The following DIAPH3 variants were observed in gnomAD, a reference collection of about 807,000 sequenced individuals.
DIAPH3 encodes the protein diaphanous related formin 3.
DIAPH3 carries 117 observed loss-of-function variants against 144.3 expected under a neutral mutation model. That is an observed-to-expected ratio of 0.81 (90% confidence interval 0.70 to 0.95). The LOEUF is 0.95. Among genes scored for constraint, DIAPH3 ranks in the 40% least tolerant of loss-of-function variants. DIAPH3 has a pLI of 0.00. For missense variants in DIAPH3, 1,421 were observed against 1,412.7 expected (o/e 1.01, Z -0.09); for synonymous variants, 519 against 488.9 (o/e 1.06, Z -0.81).
chr13:60,070,490 T>C (rs1381174410), intron 4 of DIAPH3, among the ~76,000 whole-genome samples: 1 of 152,134 alleles, frequency 6.6e-6, no homozygotes, highest in Non-Finnish European at 1.5e-5. Context: ...AGTTTCAAGT[T>C]TTCAGTTTTT....
At chr13:59,796,394 T>A (rs1342661583) in intron 25 of DIAPH3, among the ~76,000 whole-genome samples, 1 of 152,252 alleles carries the variant, frequency 6.6e-6, no homozygotes, top group Admixed American at 6.5e-5. Flanking sequence ...GTTAATGAGC[T>A]CTGTTCTTAA....
intron 27 of DIAPH3, among the ~76,000 whole-genome samples, chr13:59,738,613 T>C (rs956707807): frequency 1.4e-4 from 22 of 152,084 alleles, no homozygotes; most frequent in Non-Finnish European, 1.3e-4. Context: ...AAAGAGGATA[T>C]GCACAAGGGA....
chr13:59,675,251 C>T (rs934304815), intron 27 of DIAPH3, among the ~76,000 whole-genome samples: 1 of 151,962 alleles, frequency 6.6e-6, no homozygotes, highest in South Asian at 2.1e-4. Flanking sequence ...TTTTAAAAAT[C>T]GAGACGGGGT....
chr13:59,900,970 T>C (rs941806043), intron 20 of DIAPH3, among the ~76,000 whole-genome samples: 3 of 152,220 alleles, frequency 2.0e-5, no homozygotes, highest in Non-Finnish European at 4.4e-5. Context: ...TCAGAAACTC[T>C]AATTCACTAT....
chr13:60,162,773 C>G (rs1952352330), intron 1 of DIAPH3, among the ~76,000 whole-genome samples: 1 of 149,388 alleles, frequency 6.7e-6, no homozygotes, highest in Non-Finnish European at 1.5e-5. Flanking sequence ...CCACATAAGG[C>G]AAATGCTGTA....
chr13:59,792,054 C>T (rs1828004474), intron 25 of DIAPH3, among the ~76,000 whole-genome samples: 1 of 152,162 alleles, frequency 6.6e-6, no homozygotes, highest in Non-Finnish European at 1.5e-5. Context: ...AATCTCTCTA[C>T]TACCTCAATT....
At chr13:60,130,183 A>G (rs1477676400) in intron 2 of DIAPH3, among the ~76,000 whole-genome samples, 1 of 152,198 alleles carries the variant, frequency 6.6e-6, no homozygotes, top group Non-Finnish European at 1.5e-5. Flanking sequence ...TCTACACTGT[A>G]TCAGTCAACA....
chr13:59,880,647 A>T (rs1333685342), intron 20 of DIAPH3, among the ~76,000 whole-genome samples: 1 of 152,144 alleles, frequency 6.6e-6, no homozygotes, highest in East Asian at 1.9e-4. Flanking sequence ...ACACTGCCTT[A>T]ATGACTAAAC....
At chr13:59,783,704 T>G (rs1423863631) in intron 25 of DIAPH3, among the ~76,000 whole-genome samples, 2 of 152,098 alleles carry the variant, frequency 1.3e-5, no homozygotes, top group East Asian at 3.9e-4. Context: ...CCCCTAAACG[T>G]TGAAAGGGCA....
intron 5 of DIAPH3, among the ~76,000 whole-genome samples, chr13:60,032,406 C>G (rs1304892664): frequency 1.3e-5 from 2 of 152,208 alleles, no homozygotes; most frequent in Admixed American, 6.5e-5. Flanking sequence ...CCTGGACACC[C>G]AGGCTTTCTC....
intron 17 of DIAPH3, among the ~76,000 whole-genome samples, chr13:59,966,956 G>A (rs1390663423): frequency 6.6e-6 from 1 of 152,150 alleles, no homozygotes; most frequent in East Asian, 1.9e-4. Flanking sequence ...TCTACCTCCT[G>A]CACTGGCTTG....
chr13:59,875,568 A>C (rs144365020), intron 21 of DIAPH3, among the ~76,000 whole-genome samples: 6 of 152,198 alleles, frequency 3.9e-5, no homozygotes, highest in African/African-American at 1.4e-4. Flanking sequence ...TTTGTTGTTT[A>C]TAACACTATT....
At position 59,794,787 on chromosome 13, in the gene DIAPH3, G is replaced by A. The variant is rs1593875088; in HGVS notation, c.3163+16001C>T. Among the ~76,000 whole-genome samples, 3 of 152,246 alleles carry A rather than the reference G, an allele frequency of 2.0e-5. 1 individual carries two copies. Among genetic ancestry groups the A allele is most frequent in the Admixed American group, 2.0e-4 (3 of 15,294 alleles). On this transcript the variant is annotated intron_variant, in intron 25 of 27. Coordinates refer to ENST00000400324, the MANE Select transcript of DIAPH3 (RefSeq NM_001042517.2). ...GCCTCCCAAAGTGCTGGGATTACAG[G>A]AACCAGCTACCATGCCCAGCCTAGT...
chr13:59,784,625 C>T (rs1298109939), intron 25 of DIAPH3, among the ~76,000 whole-genome samples: 30 of 152,092 alleles, frequency 2.0e-4, no homozygotes, highest in Admixed American at 2.0e-3. Context: ...AATCTGCCTG[C>T]TTCGGCCTCC....
At chr13:59,854,339 T>C (rs979184681) in intron 22 of DIAPH3, among the ~76,000 whole-genome samples, 5 of 152,186 alleles carry the variant, frequency 3.3e-5, no homozygotes, top group African/African-American at 9.6e-5. Context: ...TTTGTGGTAA[T>C]TGGTTATGGC....
At chr13:60,037,462 G>T (rs1246216858) in intron 5 of DIAPH3, among the ~76,000 whole-genome samples, 1 of 151,906 alleles carries the variant, frequency 6.6e-6, no homozygotes, top group Non-Finnish European at 1.5e-5. Flanking sequence ...CAAGAGAAGA[G>T]ATATTGCTTA....
chr13:59,807,570 C>T (rs904306161), intron 25 of DIAPH3, among the ~76,000 whole-genome samples: 2 of 151,862 alleles, frequency 1.3e-5, no homozygotes, highest in African/African-American at 2.4e-5. Flanking sequence ...ATCTAAGTTA[C>T]TCAGACTATG....
intron 1 of DIAPH3, among the ~76,000 whole-genome samples, chr13:60,139,187 A>G (rs1180440066): frequency 2.0e-5 from 3 of 152,214 alleles, no homozygotes; most frequent in African/African-American, 7.2e-5. Context: ...CTCCAGATTT[A>G]ACATCTAAGA....
intron 27 of DIAPH3, among the ~76,000 whole-genome samples, chr13:59,705,746 G>T (rs971981612): frequency 2.0e-5 from 3 of 152,026 alleles, no homozygotes; most frequent in African/African-American, 7.2e-5. Flanking sequence ...AGAATATAGG[G>T]ATCAACAACT....
Sources: gnomAD v4.1 joint callset for allele counts (sites outside exome capture counted in the v4.1 genomes callset) on GRCh38, gnomAD v4.1.1 for gene constraint, MANE v1.5 for transcripts, NCBI Gene and HGNC (gene_info 2026-07-23, HGNC 2026-07-21) for gene names.